Variants in ZNF439 observed in about 807,000 individuals in gnomAD.
ZNF439 encodes zinc finger protein 439.
Under a neutral mutation model 47.3 loss-of-function variants are expected in ZNF439, and 40 were observed. That is an observed-to-expected ratio of 0.85 (90% CI 0.66 to 1.10). The LOEUF (loss-of-function observed/expected upper bound fraction) is 1.10. Among genes scored for constraint, ZNF439 ranks in the 50% least tolerant of loss-of-function variants. The probability of loss-of-function intolerance (pLI) is 0.00; values close to 1 mark genes in which losing one functional copy is unlikely to be tolerated. For synonymous variants in ZNF439, 171 were observed against 198.8 expected, an observed-to-expected ratio of 0.86 and a Z score of 1.18; for missense variants, 556 against 601.1, an observed-to-expected ratio of 0.93 and a Z score of 0.78.
rs559243888 is a variant in ZNF439, at chr19:11,867,807, A to G, written c.753A>G (p.Gln251=). ...GAGAGAAACCGTATGAATGTAAACAATGTGGTAAATCTTTTAGTTATTCTG... is the reference window on the plus strand; with the variant it reads ...GAGAGAAACCGTATGAATGTAAACAGTGTGGTAAATCTTTTAGTTATTCTG... ...HTGEKPYECK[Q]CGKSFSYSAT... is the part of the protein sequence containing the mutation. Residue 251 remains glutamine (Q), a synonymous_variant, in exon 4 of 4, where the codon CAA becomes CAG. Transcript: ENST00000682736. The G allele has an allele frequency of 3.1e-6, 5 of 1,614,072 alleles. No homozygotes were observed. Among genetic ancestry groups the G allele is most frequent in the East Asian group, 4.5e-5 (2 of 44,868 alleles).
chr19:11,860,983 A>G (rs1200182967), intron 1 of ZNF439, among the ~76,000 whole-genome samples: 1 of 151,986 alleles, frequency 6.6e-6, no homozygotes, highest in East Asian at 1.9e-4. Flanking sequence ...TTGGCTCCCA[A>G]CCCTTAGGTA....
rs1599329630 is a variant in ZNF439 at position 11,868,647 on chromosome 19, C to A, written c.*78C>A. On this transcript the variant is annotated 3_prime_UTR_variant, in exon 4 of 4. Transcript: ENST00000682736. ...GAAAAAATTCACACTGGAGAGAAAC[C>A]CTATAAATGCAAGCAATGTGGTAAA... The A allele has an allele frequency of 1.4e-6, 2 of 1,448,348 alleles. No homozygotes were observed. Among genetic ancestry groups the A allele is most frequent in the East Asian group, 2.3e-5 (1 of 44,036 alleles). The allele number at this position is 1,448,348 out of a possible 1,614,324, so 89.7% of individuals were successfully genotyped here.
intron 1 of ZNF439, among the ~76,000 whole-genome samples, chr19:11,852,680 T>A (rs1051834318): frequency 6.6e-6 from 1 of 152,122 alleles, no homozygotes; most frequent in Non-Finnish European, 1.5e-5. Context: ...CGGCTAATTT[T>A]TGTATTTTTA....
At chr19:11,861,602 G>C (rs1202941250) in intron 1 of ZNF439, among the ~76,000 whole-genome samples, 2 of 152,200 alleles carry the variant, frequency 1.3e-5, no homozygotes, top group Non-Finnish European at 2.9e-5. Flanking sequence ...CAGCCAATTG[G>C]ATGTTGCTAT....
intron 1 of ZNF439, among the ~76,000 whole-genome samples, chr19:11,862,478 G>A (rs1259874208): frequency 6.6e-6 from 1 of 151,918 alleles, no homozygotes; most frequent in Non-Finnish European, 1.5e-5. Flanking sequence ...GAGTAAGGCT[G>A]CTAAAAATGT....
At chr19:11,852,099 G>GT (rs1235065576) in intron 1 of ZNF439, among the ~76,000 whole-genome samples, 2 of 152,158 alleles carry the variant, frequency 1.3e-5, no homozygotes, top group African/African-American at 4.8e-5. Context: ...GTGTGAGAAA[G>GT]TTAAGAGGGA....
intron 1 of ZNF439, among the ~76,000 whole-genome samples, chr19:11,855,541 T>A (rs936891145): frequency 3.3e-5 from 5 of 152,168 alleles, no homozygotes; most frequent in Non-Finnish European, 7.3e-5. Flanking sequence ...TGGGGTGGTA[T>A]AATTGATGAC....
chr19:11,860,354 C>G (rs1487937998), intron 1 of ZNF439, among the ~76,000 whole-genome samples: 1 of 152,166 alleles, frequency 6.6e-6, no homozygotes, highest in African/African-American at 2.4e-5. Flanking sequence ...CAGAAACTTC[C>G]TGTTCCCAGT....
intron 1 of ZNF439, 166 bp from the exon 2 acceptor site, chr19:11,866,039 T>C (rs1427583820): frequency 6.8e-7 from 1 of 1,468,628 alleles, no homozygotes; most frequent in African/African-American, 1.4e-5. Flanking sequence ...AAAAAATTGC[T>C]TTATGGAAGA....
chr19:11,859,445 T>A (rs1256710982), intron 1 of ZNF439, among the ~76,000 whole-genome samples: 1 of 152,240 alleles, frequency 6.6e-6, no homozygotes, highest in East Asian at 1.9e-4. Flanking sequence ...CTTCCCAATT[T>A]AAATTCCGTG....
chr19:11,850,104 CCTT>C (rs1248975310), intron 1 of ZNF439: 4 of 152,374 alleles, frequency 2.6e-5, no homozygotes, highest in African/African-American at 7.2e-5. Context: ...GACGGAGTCT[CCTT>C]CTGTCGCCCA....
intron 1 of ZNF439, 114 bp downstream of exon 1, chr19:11,849,044 C>A: frequency 8.0e-7 from 1 of 1,257,014 alleles, no homozygotes; most frequent in Non-Finnish European, 1.0e-6. Context: ...CCTAGAGCTG[C>A]TCGGCCCTCG....
chr19:11,860,731 G>A (rs940899820), intron 1 of ZNF439, among the ~76,000 whole-genome samples: 11 of 152,146 alleles, frequency 7.2e-5, no homozygotes, highest in African/African-American at 2.4e-4. Flanking sequence ...AGAAGGGGGT[G>A]GTTGTAGGTC....
At chr19:11,865,710 C>CAAAA (rs1976654464) in intron 1 of ZNF439, among the ~76,000 whole-genome samples, 1 of 24,804 alleles carries the variant, frequency 4.0e-5, no homozygotes, top group African/African-American at 3.0e-4. Context: ...GATACACTAT[C>CAAAA]ACAAAAAAAA....
Position 11,849,349 on chromosome 19 carries a change from A to G in ZNF439, c.63+419A>G, listed in dbSNP as rs1568251647. 15 of 945,420 alleles carry G rather than the reference A, an allele frequency of 1.6e-5. No individual in the cohort carries two copies. The Admixed American group carries it at 3.6e-4, about 23-fold the overall frequency. The allele number at this position is 945,420 out of a possible 1,614,324, so 58.6% of individuals were successfully genotyped here. ...AAAAAGTTCATTTGAGGAAACAGCC[A>G]TTCACGAATGAGAAACACCCGGTCC... On this transcript the variant is annotated intron_variant, in intron 1 of 3. Coordinates refer to ENST00000682736, the MANE Select transcript of ZNF439 (RefSeq NM_001348719.2).
intron 1 of ZNF439, among the ~76,000 whole-genome samples, chr19:11,861,347 A>G (rs1976535169): frequency 6.6e-6 from 1 of 152,074 alleles, no homozygotes; most frequent in South Asian, 2.1e-4. Context: ...ACACCCTCCT[A>G]TCTTTTCCTG....
At chr19:11,865,856 T>C (rs765779688) in intron 1 of ZNF439, 21 of 272,190 alleles carry the variant, frequency 7.7e-5, no homozygotes, top group Non-Finnish European at 1.2e-4. Flanking sequence ...GGAGAAACCC[T>C]GTCTCTACTA....
chr19:11,852,223 C>T (rs751740517), intron 1 of ZNF439, among the ~76,000 whole-genome samples: 1 of 152,058 alleles, frequency 6.6e-6, no homozygotes, highest in Non-Finnish European at 1.5e-5. Flanking sequence ...CTCAGGAGTT[C>T]AAGCCTGGGC....
chr19:11,868,634 A>G lies in ZNF439; in HGVS notation c.*65A>G. ...ATTTCAAACACATGAAAAAATTCAC[A>G]CTGGAGAGAAACCCTATAAATGCAA... On this transcript the variant is annotated 3_prime_UTR_variant, in exon 4 of 4. Transcript: ENST00000682736. 6.6e-7 allele frequency: 1 copy of G among 1,517,850 alleles called. No individual in the cohort carries two copies. The highest frequency in any genetic ancestry group is 9.0e-7 in the Non-Finnish European group (1 of 1,112,894). 94.0% of individuals were successfully genotyped at this position (1,517,850 alleles called of 1,614,324 possible).
Sources: gnomAD v4.1 joint callset for allele counts (sites outside exome capture counted in the v4.1 genomes callset) on GRCh38, gnomAD v4.1.1 for gene constraint, MANE v1.5 for transcripts, NCBI Gene and HGNC (gene_info 2026-07-23, HGNC 2026-07-21) for gene names.